ATP10B: variants seen among roughly 807,000 people sequenced by gnomAD.
ATP10B encodes the protein ATPase phospholipid transporting 10B (putative).
A neutral mutation model predicts 141.2 loss-of-function variants in ATP10B; 122 were observed. The ratio of observed to expected loss-of-function variants is 0.86; its 90% CI spans 0.75 to 1.00. ATP10B has a LOEUF of 1.00. Ranked by LOEUF, ATP10B falls within the 50% of genes least tolerant of loss-of-function variation. The pLI is 0.00. For synonymous variants in ATP10B, 685 were observed against 692.0 expected (o/e 0.99, Z 0.16); for missense variants, 1,876 against 1,825.3 (o/e 1.03, Z -0.51).
At chr5:160,719,126 C>A (rs1238325855) in intron 2 of ATP10B, among the ~76,000 whole-genome samples, 3 of 152,168 alleles carry the variant, frequency 2.0e-5, no homozygotes. Flanking sequence ...GGCGGCCGGG[C>A]ACGGTGGCTC....
At chr5:160,772,851 T>C (rs1770008916) in intron 2 of ATP10B, among the ~76,000 whole-genome samples, 2 of 152,180 alleles carry the variant, frequency 1.3e-5, no homozygotes, top group African/African-American at 4.8e-5. Context: ...ATCTCTGGGT[T>C]TGCAATTCTA....
chr5:160,634,628 C>T (rs1464563583), intron 11 of ATP10B, 22 bp from the exon 12 acceptor site: 10 of 1,578,498 alleles, frequency 6.3e-6, no homozygotes, highest in Non-Finnish European at 8.6e-6. Context: ...TGAGTTTCTA[C>T]CATTCAGAAA....
chr5:160,834,287 T>C (rs1775285282), intron 1 of ATP10B, among the ~76,000 whole-genome samples: 1 of 152,060 alleles, frequency 6.6e-6, no homozygotes, highest in Non-Finnish European at 1.5e-5. Flanking sequence ...ATCATGCCAC[T>C]GCACTCCAGC....
chr5:160,589,463 C>T (rs773100559), intron 24 of ATP10B, 129 bp downstream of exon 24: 11 of 725,372 alleles, frequency 1.5e-5, no homozygotes, highest in Admixed American at 1.3e-4. Flanking sequence ...ACAGGTAGGA[C>T]ATAGGGTAGG....
intron 1 of ATP10B, among the ~76,000 whole-genome samples, chr5:160,801,693 T>C (rs554755044): frequency 6.6e-6 from 1 of 152,292 alleles, no homozygotes; most frequent in African/African-American, 2.4e-5. Context: ...CTAACTCAAA[T>C]CAATGCCTAG....
intron 8 of ATP10B, among the ~76,000 whole-genome samples, chr5:160,648,753 G>T (rs141779505): frequency 1.3e-5 from 2 of 151,972 alleles, no homozygotes; most frequent in Non-Finnish European, 2.9e-5. Flanking sequence ...TTTACCCAAG[G>T]TCATACAGCT....
Position 160,686,186 on chromosome 5 carries a change from T to C in ATP10B, c.363A>G (p.Pro121=). 1 of 1,613,368 alleles carries C rather than the reference T, an allele frequency of 6.2e-7. No individual in the cohort carries two copies. The highest frequency in any genetic ancestry group is 8.5e-7 in the Non-Finnish European group (1 of 1,179,450). Residue 121 remains proline, a synonymous_variant, in exon 6 of 26, where the codon CCA becomes CCG. Coordinates refer to ENST00000327245, the MANE Select transcript of ATP10B (RefSeq NM_025153.3). The stretch of plus-strand genomic sequence containing the variant: ...TGATGACGAACAGGACAATGGCCAA[T>C]GGTAACATGGTGATTTCTCTGTGGA... ...EVFHREITML[P]LAIVLFVIMI...
upstream of ATP10B, among the ~76,000 whole-genome samples, chr5:160,853,475 G>T (rs1471646922): frequency 1.3e-5 from 2 of 152,262 alleles, no homozygotes; most frequent in Admixed American, 1.3e-4. Flanking sequence ...GTGAACATGG[G>T]ACCTCAAACC....
chr5:160,915,528 T>C, the ATP10B span, among the ~76,000 whole-genome samples: 34 of 152,142 alleles, frequency 2.2e-4, no homozygotes, highest in African/African-American at 8.0e-4. Context: ...GATGGGGTTT[T>C]ACCGTGTTGG....
At chr5:160,706,408 T>G (rs77812846) in intron 3 of ATP10B, among the ~76,000 whole-genome samples, 2,513 of 152,284 alleles carry the variant, frequency 0.017, 71 homozygotes, top group African/African-American at 0.058. Flanking sequence ...TAATATGGAT[T>G]TAATTTGTAA....
chr5:160,745,576 T>C (rs1034246082), intron 2 of ATP10B, among the ~76,000 whole-genome samples: 8 of 152,250 alleles, frequency 5.3e-5, no homozygotes, highest in African/African-American at 1.9e-4. Context: ...TCATGTGTCC[T>C]ATCTGGATCT....
At chr5:160,565,977 T>C (rs754999089) in intron 25 of ATP10B, 77 bp from the exon 26 acceptor site, 88 of 1,380,986 alleles carry the variant, frequency 6.4e-5, no homozygotes, top group Non-Finnish European at 8.5e-5. Flanking sequence ...AGATAGTCTT[T>C]AGAATCCAAC....
chr5:160,857,941 T>TTGC, the ATP10B span, among the ~76,000 whole-genome samples: 1 of 151,968 alleles, frequency 6.6e-6, no homozygotes, highest in African/African-American at 2.4e-5. Flanking sequence ...TTCCTGGTAT[T>TTGC]TGTTTGATGG....
intron 2 of ATP10B, among the ~76,000 whole-genome samples, chr5:160,744,920 C>A (rs1767702629): frequency 6.6e-6 from 1 of 152,192 alleles, no homozygotes; most frequent in Admixed American, 6.5e-5. Flanking sequence ...CTGTGGTGTA[C>A]CAGGGTGAGG....
chr5:160,584,494 C>G (rs1258660190), intron 24 of ATP10B, among the ~76,000 whole-genome samples: 1 of 152,158 alleles, frequency 6.6e-6, no homozygotes, highest in Non-Finnish European at 1.5e-5. Flanking sequence ...TCGCCAGCCA[C>G]CCCTGCTCTC....
At chr5:160,749,290 C>T (rs1768000031) in intron 2 of ATP10B, among the ~76,000 whole-genome samples, 1 of 152,208 alleles carries the variant, frequency 6.6e-6, no homozygotes, top group African/African-American at 2.4e-5. Context: ...GGAATTCTAT[C>T]TTCTCAGAAC....
At chr5:160,880,129 T>C in the ATP10B span, among the ~76,000 whole-genome samples, 1 of 147,156 alleles carries the variant, frequency 6.8e-6, no homozygotes, top group African/African-American at 2.5e-5. Flanking sequence ...GTAAAAGAAA[T>C]TATATAATAG....
the ATP10B span, among the ~76,000 whole-genome samples, chr5:160,867,952 T>C: frequency 6.6e-6 from 1 of 152,174 alleles, no homozygotes; most frequent in Non-Finnish European, 1.5e-5. Context: ...TGAACATGTA[T>C]CGTTATTCAG....
At chr5:160,847,259 G>A (rs1211844184) in intron 1 of ATP10B, among the ~76,000 whole-genome samples, 3 of 152,158 alleles carry the variant, frequency 2.0e-5, no homozygotes, top group African/African-American at 7.2e-5. Flanking sequence ...TAGCTTCTGG[G>A]ATTCTATAAT....
Sources: allele counts gnomAD v4.1 joint callset (sites outside exome capture counted in the v4.1 genomes callset), GRCh38; gene constraint gnomAD v4.1.1; transcripts MANE v1.5; gene names NCBI Gene and HGNC (gene_info 2026-07-23, HGNC 2026-07-21).